The following C11orf65 variants were observed in gnomAD, a reference collection of about 807,000 sequenced individuals.
C11orf65 encodes protein MFI.
C11orf65 carries 38 observed loss-of-function variants against 35.3 expected under a neutral mutation model. That is an observed-to-expected ratio of 1.08 (90% CI 0.83 to 1.41). The LOEUF (loss-of-function observed/expected upper bound fraction) is 1.41, where lower values mean the gene tolerates loss of function less well. Among genes scored for constraint, C11orf65 ranks in the 40% most tolerant of loss-of-function variants. C11orf65 has a pLI of 0.00. For missense variants in C11orf65, 370 were observed against 367.1 expected (o/e 1.01, Z -0.06); for synonymous variants, 105 against 114.4 (o/e 0.92, Z 0.53).
chr11:108,367,543 C>A (rs546092733), intron 2 of C11orf65: 3 of 205,582 alleles, frequency 1.5e-5, no homozygotes, highest in African/African-American at 2.3e-5. Context: ...AGTATAATCT[C>A]TTCTCCATCC....
chr11:108,393,442 G>A, intron 6 of C11orf65, 64 bp from the exon 7 acceptor site: 1 of 1,408,534 alleles, frequency 7.1e-7, no homozygotes, highest in African/African-American at 1.4e-5. Context: ...GTAGATACAG[G>A]CAATATATAT....
At chr11:108,315,709 A>C in intron 6 of C11orf65, 1 of 761,352 alleles carries the variant, frequency 1.3e-6, no homozygotes, top group Non-Finnish European at 2.3e-6. Context: ...TATTTCTATA[A>C]CATAACATTT....
rs552787980 is a variant in C11orf65 at position 108,332,185 on chromosome 11, T to G, written c.300-618A>C. On this transcript the variant is annotated intron_variant, in intron 3 of 3. Transcript: ENST00000524755. ...GCTCACGCCTGTAATCCCAGCACTTTGGGAGGCTGAGGCGGGTGGATTACT... is the reference window on the plus strand; with the variant it reads ...GCTCACGCCTGTAATCCCAGCACTTGGGGAGGCTGAGGCGGGTGGATTACT... 1.5e-5 allele frequency: 16 copies of G among 1,045,074 alleles called. No individual in the cohort carries two copies. The East Asian group carries it at 3.9e-4, about 26-fold the overall frequency. The allele number at this position is 1,045,074 out of a possible 1,614,324, so 64.7% of individuals were successfully genotyped here. A position where few individuals can be genotyped will look rare whatever the true frequency, so the allele number is the denominator to read the frequency against.
chr11:108,417,221 T>C (rs1393231118), intron 3 of C11orf65, among the ~76,000 whole-genome samples: 1 of 151,990 alleles, frequency 6.6e-6, no homozygotes. Flanking sequence ...ACAAAGAGTA[T>C]CCTACTGGAT....
Position 108,382,917 on chromosome 11 carries a change from A to C in C11orf65, c.*104T>G. On this transcript the variant is annotated 3_prime_UTR_variant, in exon 9 of 9. Transcript: ENST00000393084. ...CTTAACTGAGCTAGATTCTGTGCCCAGAATATATACACAAGTTATTCCAGT... is the reference window on the plus strand; with the variant it reads ...CTTAACTGAGCTAGATTCTGTGCCCCGAATATATACACAAGTTATTCCAGT... The C allele has an allele frequency of 6.4e-7, 1 of 1,561,490 alleles. No individual in the cohort carries two copies. Among genetic ancestry groups the C allele is most frequent in the Non-Finnish European group, 8.6e-7 (1 of 1,164,622 alleles).
intron 2 of C11orf65, chr11:108,353,996 G>C: frequency 9.7e-7 from 1 of 1,029,032 alleles, no homozygotes; most frequent in Non-Finnish European, 1.5e-6. Context: ...TGGGAGGATT[G>C]TTTGAGCCCA....
intron 6 of C11orf65, chr11:108,317,604 C>A (rs1267085713): frequency 2.5e-6 from 2 of 790,852 alleles, no homozygotes; most frequent in African/African-American, 2.5e-5. Context: ...ATGAATATAA[C>A]AGGAGTTGTT....
downstream of C11orf65, among the ~76,000 whole-genome samples, chr11:108,379,571 A>G (rs1239356944): frequency 1.3e-5 from 2 of 152,034 alleles, no homozygotes; most frequent in Non-Finnish European, 2.9e-5. Flanking sequence ...GCACATGTAT[A>G]CATATGTAAC....
intron 6 of C11orf65, among the ~76,000 whole-genome samples, chr11:108,312,754 A>T (rs565715303): frequency 6.6e-6 from 1 of 152,204 alleles, no homozygotes; most frequent in Admixed American, 6.5e-5. Context: ...AGTTTATGCC[A>T]TGCATTTTCT....
At chr11:108,443,000 T>G (rs940664538) in intron 2 of C11orf65, among the ~76,000 whole-genome samples, 1 of 152,090 alleles carries the variant, frequency 6.6e-6, no homozygotes, top group Non-Finnish European at 1.5e-5. Context: ...GGCTAAATGC[T>G]CCAACTAAAA....
intron 3 of C11orf65, chr11:108,332,725 A>C: frequency 6.3e-7 from 1 of 1,598,344 alleles, no homozygotes; most frequent in Non-Finnish European, 8.5e-7. Flanking sequence ...AATGTTGGGT[A>C]GTTCCTTATG....
chr11:108,327,119 C>T (rs537873989), downstream of C11orf65, among the ~76,000 whole-genome samples: 877 of 152,284 alleles, frequency 5.8e-3, 6 homozygotes, highest in Non-Finnish European at 9.4e-3. Context: ...TGAGCCACCA[C>T]GCCCGGCCTT....
chr11:108,360,362 G>C (rs1466202882), intron 2 of C11orf65, among the ~76,000 whole-genome samples: 16 of 151,280 alleles, frequency 1.1e-4, no homozygotes, highest in South Asian at 2.1e-4. Flanking sequence ...AATTCTACCA[G>C]AGGTACAAGG....
chr11:108,362,602 T>C (rs1476361285), intron 2 of C11orf65, among the ~76,000 whole-genome samples: 23 of 149,468 alleles, frequency 1.5e-4, no homozygotes, highest in African/African-American at 5.7e-4. Flanking sequence ...ATATACACCA[T>C]GGAATACTAT....
At chr11:108,360,237 C>T (rs2090558266) in intron 2 of C11orf65, among the ~76,000 whole-genome samples, 1 of 143,770 alleles carries the variant, frequency 7.0e-6, no homozygotes, top group African/African-American at 2.5e-5. Context: ...TCTCCCAAGA[C>T]TAAACCAGGA....
chr11:108,321,786 CAA>C (rs770391775), intron 6 of C11orf65, among the ~76,000 whole-genome samples: 1 of 122,782 alleles, frequency 8.1e-6, no homozygotes, highest in Non-Finnish European at 1.8e-5. Context: ...GACTCTGTCT[CAA>C]AAAAAAAAAA....
intron 5 of C11orf65, among the ~76,000 whole-genome samples, chr11:108,406,260 G>A (rs1397840348): frequency 6.6e-6 from 1 of 152,150 alleles, no homozygotes; most frequent in African/African-American, 2.4e-5. Context: ...ACAAATGAAT[G>A]AATTCATACC....
chr11:108,412,467 A>G (rs2092675166), intron 3 of C11orf65, among the ~76,000 whole-genome samples: 1 of 152,244 alleles, frequency 6.6e-6, no homozygotes, highest in African/African-American at 2.4e-5. Context: ...AGACCCAACT[A>G]TATGTTATCC....
intron 2 of C11orf65, among the ~76,000 whole-genome samples, chr11:108,450,143 G>C (rs1406118768): frequency 2.0e-5 from 3 of 151,960 alleles, no homozygotes; most frequent in Non-Finnish European, 4.4e-5. Context: ...ACAGGTGCTG[G>C]AGAGGATGTG....
Sources: allele counts gnomAD v4.1 joint callset (sites outside exome capture counted in the v4.1 genomes callset), GRCh38; gene constraint gnomAD v4.1.1; transcripts MANE v1.5; gene names NCBI Gene and HGNC (gene_info 2026-07-23, HGNC 2026-07-21).